The following APP variants were observed in gnomAD, a reference collection of about 807,000 sequenced individuals.
The protein encoded by APP is amyloid-beta precursor protein.
Under a neutral mutation model 101.4 loss-of-function variants are expected in APP, and 31 were observed. The ratio of observed to expected loss-of-function variants is 0.31; its 90% CI spans 0.23 to 0.41. The LOEUF is 0.41. Among genes scored for constraint, APP ranks in the 10% least tolerant of loss-of-function variants. The pLI is 1.00. For missense variants in APP, 839 were observed against 1,003.7 expected, an observed-to-expected ratio of 0.84 and a Z score of 2.22; for synonymous variants, 366 against 364.4, an observed-to-expected ratio of 1.00 and a Z score of -0.05.
intron 8 of APP, 129 bp downstream of exon 8, chr21:25,997,231 G>A (rs1482464204): frequency 1.1e-6 from 1 of 921,662 alleles, no homozygotes; most frequent in Non-Finnish European, 1.8e-6. Flanking sequence ...GTAATGGGAA[G>A]AAACATTTTA....
chr21:26,141,750 T>C (rs2063050556), intron 1 of APP, among the ~76,000 whole-genome samples: 1 of 152,236 alleles, frequency 6.6e-6, no homozygotes, highest in Admixed American at 6.5e-5. Context: ...GGTACTTTTC[T>C]ATCGGTTCCA....
At chr21:26,023,678 G>C (rs1355408776) in intron 5 of APP, among the ~76,000 whole-genome samples, 1 of 152,266 alleles carries the variant, frequency 6.6e-6, no homozygotes, top group African/African-American at 2.4e-5. Flanking sequence ...ATTCCAGCCA[G>C]GGAGACAAAG....
In APP at chr21:26,008,681, T is replaced by C. The variant is rs187967962; in HGVS notation, c.866-8499A>G. 5.3e-5 allele frequency among the ~76,000 whole-genome samples: 8 copies of C among 152,258 alleles called. No individual in the cohort carries two copies. In the East Asian group the frequency reaches 1.3e-3, roughly 26 times the overall value. ...CTAGCAGGAGTTGGCTACACTACCA[T>C]GTTAATGACAGGAAATAGGGGCACA... is the stretch of plus-strand genomic sequence containing the variant. On this transcript the variant is annotated intron_variant, in intron 6 of 17. Coordinates refer to ENST00000346798, the MANE Select transcript of APP (RefSeq NM_000484.4).
At chr21:25,991,318 A>C (rs1047404237) in intron 8 of APP, among the ~76,000 whole-genome samples, 2 of 152,166 alleles carry the variant, frequency 1.3e-5, no homozygotes, top group African/African-American at 4.8e-5. Context: ...TATTGGAAAA[A>C]AAATAAAAAT....
chr21:26,145,373 C>T (rs1015257254), intron 1 of APP, among the ~76,000 whole-genome samples: 1 of 152,140 alleles, frequency 6.6e-6, no homozygotes, highest in Non-Finnish European at 1.5e-5. Flanking sequence ...GATCATCAGA[C>T]ATTAGTTAGA....
In APP at chr21:25,997,493, C is replaced by T; in HGVS notation, c.1034-77G>A. On this transcript the variant is annotated intron_variant, in intron 7 of 17. Coordinates refer to ENST00000346798, the MANE Select transcript of APP (RefSeq NM_000484.4). ...ATGATGGCTGAAATGCACGAGTCCA[C>T]TGACAAAAAAACAACCTAACAAACA... 5.9e-6 allele frequency: 8 copies of T among 1,344,664 alleles called. No homozygotes were observed. In the South Asian group the frequency reaches 9.5e-5, roughly 16 times the overall value. 83.3% of individuals were successfully genotyped at this position (1,344,664 alleles called of 1,614,324 possible). A position where few individuals can be genotyped will look rare whatever the true frequency, so the allele number is the denominator to read the frequency against.
intron 5 of APP, among the ~76,000 whole-genome samples, chr21:26,037,077 G>A (rs984539637): frequency 3.3e-5 from 5 of 152,182 alleles, no homozygotes; most frequent in Non-Finnish European, 5.9e-5. Flanking sequence ...AAGCAACATG[G>A]ATGGAACTGG....
chr21:26,155,865 C>T (rs559577617), intron 1 of APP, among the ~76,000 whole-genome samples: 5 of 152,098 alleles, frequency 3.3e-5, no homozygotes, highest in South Asian at 4.1e-4. Flanking sequence ...GGAGTGGTGG[C>T]GGAAGCCTGT....
At chr21:26,069,470 C>A (rs1210282988) in intron 3 of APP, among the ~76,000 whole-genome samples, 1 of 152,178 alleles carries the variant, frequency 6.6e-6, no homozygotes, top group East Asian at 1.9e-4. Context: ...GGAGGCTTCA[C>A]TGCCTTCAGT....
At chr21:25,883,437 TC>T (rs1378550254) in intron 17 of APP, among the ~76,000 whole-genome samples, 1 of 149,058 alleles carries the variant, frequency 6.7e-6, no homozygotes, top group Non-Finnish European at 1.5e-5. Flanking sequence ...TGGCTCAAAA[TC>T]CCAGCCCTTT....
chr21:26,170,493 G>A, intron 1 of APP, 71 bp downstream of exon 1: 4 of 1,478,410 alleles, frequency 2.7e-6, no homozygotes, highest in Non-Finnish European at 3.6e-6. Context: ...TAAAGACTTG[G>A]GTTAAGGTCT....
chr21:26,040,830 A>G (rs1180020913), intron 5 of APP, among the ~76,000 whole-genome samples: 1 of 152,156 alleles, frequency 6.6e-6, no homozygotes, highest in African/African-American at 2.4e-5. Flanking sequence ...CTGTTCTCCC[A>G]GTATCTCACT....
intron 11 of APP, 75 bp from the exon 12 acceptor site, chr21:25,955,830 G>C: frequency 1.2e-6 from 2 of 1,605,530 alleles, no homozygotes; most frequent in South Asian, 2.2e-5. Flanking sequence ...ATGGGTTAGA[G>C]GTTCCACTAA....
At chr21:25,972,238 C>T (rs749396717) in intron 11 of APP, among the ~76,000 whole-genome samples, 32 of 151,822 alleles carry the variant, frequency 2.1e-4, no homozygotes, top group African/African-American at 7.0e-4. Flanking sequence ...AGATGAAAAA[C>T]GGCCAGATGG....
intron 3 of APP, among the ~76,000 whole-genome samples, chr21:26,074,974 C>T (rs191780918): frequency 3.7e-4 from 56 of 152,262 alleles, no homozygotes; most frequent in Middle Eastern, 3.4e-3. Context: ...CCCTATGTTA[C>T]TTCTTGGTTG....
At chr21:25,983,325 CAT>C (rs921434602) in intron 8 of APP, among the ~76,000 whole-genome samples, 37 of 152,174 alleles carry the variant, frequency 2.4e-4, no homozygotes, top group African/African-American at 8.7e-4. Flanking sequence ...GCATATTTAA[CAT>C]AAAAAACAAA....
At chr21:26,082,117 G>A (rs1035620116) in intron 3 of APP, among the ~76,000 whole-genome samples, 1 of 152,128 alleles carries the variant, frequency 6.6e-6, no homozygotes, top group African/African-American at 2.4e-5. Flanking sequence ...TACTCAGGAG[G>A]CCGAGGCAGG....
intron 15 of APP, among the ~76,000 whole-genome samples, chr21:25,900,162 T>G (rs2829976): frequency 0.034 from 5,209 of 152,182 alleles, 327 homozygotes; most frequent in African/African-American, 0.12. Flanking sequence ...TATTTTAATC[T>G]TTCTATAGCC....
intron 11 of APP, among the ~76,000 whole-genome samples, chr21:25,955,957 C>T (rs1390124563): frequency 6.6e-6 from 1 of 152,164 alleles, no homozygotes; most frequent in African/African-American, 2.4e-5. Flanking sequence ...TTCACTTCCA[C>T]AAGAGCATTT....
Sources: allele counts gnomAD v4.1 joint callset (sites outside exome capture counted in the v4.1 genomes callset), GRCh38; gene constraint gnomAD v4.1.1; transcripts MANE v1.5; gene names NCBI Gene and HGNC (gene_info 2026-07-23, HGNC 2026-07-21).